TRIM2: variants seen among roughly 807,000 people sequenced by gnomAD.
The protein encoded by TRIM2 is tripartite motif containing 2.
A neutral mutation model predicts 75.2 loss-of-function variants in TRIM2; 20 were observed. That is an observed-to-expected ratio of 0.27 (90% CI 0.19 to 0.39). The LOEUF is 0.39. Ranked by LOEUF, TRIM2 falls within the 10% of genes least tolerant of loss-of-function variation. TRIM2 has a pLI of 1.00. For synonymous variants in TRIM2, 373 were observed against 388.3 expected, an observed-to-expected ratio of 0.96 and a Z score of 0.46; for missense variants, 660 against 990.8, an observed-to-expected ratio of 0.67 and a Z score of 4.48.
chr4:153,221,176 C>T (rs1435665825), intron 1 of TRIM2, among the ~76,000 whole-genome samples: 1 of 152,138 alleles, frequency 6.6e-6, no homozygotes, highest in East Asian at 1.9e-4. Flanking sequence ...TCATGAAGTA[C>T]TGACACATGC....
At chr4:153,246,014 A>G (rs1749043295) in intron 1 of TRIM2, among the ~76,000 whole-genome samples, 1 of 152,168 alleles carries the variant, frequency 6.6e-6, no homozygotes, top group African/African-American at 2.4e-5. Flanking sequence ...CTAACACTAC[A>G]ATAAAATTGG....
chr4:153,282,934 G>T (rs72967110), intron 3 of TRIM2, among the ~76,000 whole-genome samples: 1 of 149,254 alleles, frequency 6.7e-6, no homozygotes, highest in Non-Finnish European at 1.5e-5. Flanking sequence ...GACTATAGGC[G>T]CATGCCACCA....
At chr4:153,224,690 C>T (rs988302960) in intron 1 of TRIM2, among the ~76,000 whole-genome samples, 1 of 152,234 alleles carries the variant, frequency 6.6e-6, no homozygotes, top group Non-Finnish European at 1.5e-5. Flanking sequence ...AAATCCTCCA[C>T]TAGAAATTCC....
intron 1 of TRIM2, among the ~76,000 whole-genome samples, chr4:153,193,812 A>G (rs778088927): frequency 7.2e-5 from 11 of 152,302 alleles, no homozygotes; most frequent in Non-Finnish European, 1.3e-4. Flanking sequence ...CTTTCTGGGC[A>G]AGGTGAATTG....
chr4:153,188,649 G>T (rs945331654), intron 1 of TRIM2, among the ~76,000 whole-genome samples: 2 of 151,882 alleles, frequency 1.3e-5, no homozygotes, highest in African/African-American at 4.8e-5. Flanking sequence ...GGGATGAGGG[G>T]CTGGCACAGT....
chr4:153,195,406 C>T (rs1310459243), intron 1 of TRIM2, among the ~76,000 whole-genome samples: 1 of 152,094 alleles, frequency 6.6e-6, no homozygotes, highest in East Asian at 1.9e-4. Context: ...GTCCCAGCTA[C>T]TCAGGAGGCT....
chr4:153,192,116 A>T (rs959231134), intron 1 of TRIM2, among the ~76,000 whole-genome samples: 10 of 152,176 alleles, frequency 6.6e-5, no homozygotes, highest in Non-Finnish European at 1.3e-4. Context: ...AGCAACAAAG[A>T]CAATTCCTCA....
intron 1 of TRIM2, among the ~76,000 whole-genome samples, chr4:153,173,070 A>T (rs183458427): frequency 6.6e-6 from 1 of 152,276 alleles, no homozygotes; most frequent in East Asian, 1.9e-4. Flanking sequence ...TGGCATGGGG[A>T]TGTGGCTGGA....
chr4:153,173,292 G>A (rs561963520), intron 1 of TRIM2, among the ~76,000 whole-genome samples: 3 of 152,216 alleles, frequency 2.0e-5, no homozygotes, highest in South Asian at 4.1e-4. Context: ...TTTGGGGTCT[G>A]GAGGATTGCT....
Position 153,307,344 on chromosome 4 carries a change from T to C in TRIM2, c.1511-8141T>C, listed in dbSNP as rs561930801. ...TATACACCATACCTTAATGAGTAGA[T>C]GAAAAGTTGAATGAAACACTCATTT... On this transcript the variant is annotated intron_variant, in intron 6 of 11. Coordinates refer to ENST00000338700, the MANE Select transcript of TRIM2 (RefSeq NM_015271.5). Among the ~76,000 whole-genome samples the C allele has an allele frequency of 4.3e-4, 66 of 152,278 alleles. 1 individual carries two copies. The South Asian group carries it at 0.013, about 31-fold the overall frequency.
At position 153,293,098 on chromosome 4, in the gene TRIM2, C is replaced by G. The variant is rs371385083; in HGVS notation, c.570C>G (p.Ala190=). Residue 190 remains alanine, a synonymous_variant, in exon 4 of 12, where the codon GCC becomes GCG. Coordinates refer to ENST00000338700, the MANE Select transcript of TRIM2 (RefSeq NM_015271.5). ...AGGATGTGGTGGAACAGCACAAGGC[C>G]TCGCTCCAGGTCCAGCTGGATGCTG... is the stretch of plus-strand genomic sequence containing the variant. ...PLKDVVEQHK[A]SLQVQLDAVN... is the part of the protein sequence containing the mutation. 87 of 1,612,354 alleles carry G rather than the reference C, an allele frequency of 5.4e-5. No homozygotes were observed. In the Middle Eastern group the frequency reaches 1.2e-3, roughly 21 times the overall value.
chr4:153,196,901 G>C (rs1733835316), intron 1 of TRIM2, among the ~76,000 whole-genome samples: 1 of 152,190 alleles, frequency 6.6e-6, no homozygotes, highest in South Asian at 2.1e-4. Context: ...GCCATTGCTT[G>C]GTCCACCATC....
intron 1 of TRIM2, chr4:153,257,809 G>C (rs1752442094): frequency 2.9e-6 from 1 of 347,434 alleles, no homozygotes; most frequent in Non-Finnish European, 5.7e-6. Flanking sequence ...GTGCCAGGTG[G>C]ATAACTGATT....
At chr4:153,300,814 G>T (rs1763736638) in intron 6 of TRIM2, among the ~76,000 whole-genome samples, 1 of 151,824 alleles carries the variant, frequency 6.6e-6, no homozygotes, top group East Asian at 1.9e-4. Context: ...TTATATACTG[G>T]TTGGCCATTT....
In TRIM2 at chr4:153,337,382, T is replaced by G. The variant is rs1450153057; in HGVS notation, c.*2416T>G. On this transcript the variant is annotated 3_prime_UTR_variant, in exon 12 of 12. Transcript: ENST00000338700. The stretch of plus-strand genomic sequence containing the variant: ...CTAGATATCTCAATAGTAGACTGAA[T>G]ACAAAGCTAATTTTTTTTACATGTC... 2.0e-6 allele frequency: 2 copies of G among 985,746 alleles called. No homozygotes were observed. Among genetic ancestry groups the G allele is most frequent in the Non-Finnish European group, 2.4e-6 (2 of 829,936 alleles). 61.1% of individuals were successfully genotyped at this position (985,746 alleles called of 1,614,324 possible).
At chr4:153,273,128 C>A (rs189571258) in intron 2 of TRIM2, among the ~76,000 whole-genome samples, 1 of 152,166 alleles carries the variant, frequency 6.6e-6, no homozygotes, top group Admixed American at 6.5e-5. Context: ...TGAGTCACTG[C>A]GCCCGGTGGG....
intron 3 of TRIM2, among the ~76,000 whole-genome samples, chr4:153,286,779 T>A (rs1579351584): frequency 1.0e-5 from 1 of 98,716 alleles, no homozygotes; most frequent in Non-Finnish European, 1.9e-5. Flanking sequence ...CCCCACCATC[T>A]CACTCTCTCT....
chr4:153,221,440 CA>C (rs1173795025), intron 1 of TRIM2, among the ~76,000 whole-genome samples: 2 of 150,358 alleles, frequency 1.3e-5, no homozygotes, highest in Non-Finnish European at 2.9e-5. Context: ...AACAAACAAA[CA>C]AAAAAACCAA....
At chr4:153,313,762 G>A (rs577969092) in intron 6 of TRIM2, among the ~76,000 whole-genome samples, 18 of 150,330 alleles carry the variant, frequency 1.2e-4, no homozygotes, top group East Asian at 3.9e-4. Context: ...TCAGCCTACC[G>A]AGTAGCTGGG....
Sources: allele counts gnomAD v4.1 joint callset (sites outside exome capture counted in the v4.1 genomes callset), GRCh38; gene constraint gnomAD v4.1.1; transcripts MANE v1.5; gene names NCBI Gene and HGNC (gene_info 2026-07-23, HGNC 2026-07-21).